AGAP1: variants seen among roughly 807,000 people sequenced by gnomAD.
AGAP1 encodes the protein arf-GAP with GTPase, ANK repeat and PH domain-containing protein 1.
In AGAP1, 29 loss-of-function variants were observed where a neutral mutation model predicts 105.3. That is an observed-to-expected ratio of 0.28 (90% CI 0.21 to 0.38). The LOEUF is 0.38. Among genes scored for constraint, AGAP1 ranks in the 10% least tolerant of loss-of-function variants. AGAP1 has a pLI of 1.00. For missense variants in AGAP1, 998 were observed against 1,165.1 expected (o/e 0.86, Z 2.09); for synonymous variants, 509 against 485.9 (o/e 1.05, Z -0.63).
At position 235,494,669 on chromosome 2, in the gene AGAP1, G is replaced by A. The variant is rs1298707918; in HGVS notation, c.-18G>A. The stretch of plus-strand genomic sequence containing the variant: ...GCGGCGGCGGGGGGCGCGCGGCTCC[G>A]GGCGCGGCGCCTGCACCATGAACTA... On this transcript the variant is annotated 5_prime_UTR_variant, in exon 1 of 18. Transcript: ENST00000304032. 8.0e-6 allele frequency: 10 copies of A among 1,243,874 alleles called. No homozygotes were observed. Among genetic ancestry groups the A allele is most frequent in the African/African-American group, 4.8e-5 (3 of 62,944 alleles). The allele number at this position is 1,243,874 out of a possible 1,614,324, so 77.1% of individuals were successfully genotyped here.
intron 9 of AGAP1, among the ~76,000 whole-genome samples, chr2:235,807,641 C>T (rs1418556769): frequency 6.6e-6 from 1 of 152,190 alleles, no homozygotes; most frequent in Non-Finnish European, 1.5e-5. Context: ...CGCGGGCCGC[C>T]GGGCAACAGG....
At chr2:235,540,444 TA>T (rs2078320583) in intron 1 of AGAP1, among the ~76,000 whole-genome samples, 1 of 152,322 alleles carries the variant, frequency 6.6e-6, no homozygotes, top group Admixed American at 6.5e-5. Context: ...TGAGCCATCG[TA>T]CCCAACCTCA....
intron 3 of AGAP1, among the ~76,000 whole-genome samples, chr2:235,735,979 G>A (rs922548581): frequency 6.6e-6 from 1 of 152,026 alleles, no homozygotes; most frequent in Non-Finnish European, 1.5e-5. Context: ...AAGGGATGCG[G>A]GTTCCGTTCT....
Position 235,867,711 on chromosome 2 carries a change from C to CT in AGAP1, c.1051-15633dup, listed in dbSNP as rs1414476652. 6.6e-6 allele frequency among the ~76,000 whole-genome samples: 1 copy of CT among 152,122 alleles called. No homozygotes were observed. Among genetic ancestry groups the CT allele is most frequent in the African/African-American group, 2.4e-5 (1 of 41,422 alleles). On this transcript the variant is annotated intron_variant, in intron 9 of 17. Coordinates refer to ENST00000304032, the MANE Select transcript of AGAP1 (RefSeq NM_001037131.3). This position sits in a 1 kb window ranked among gnomAD's most constrained non-coding sequence, Gnocchi z 5.4. Reference sequence around the variant, plus strand: ...TAATGAGAGGGCAAAAGCAAGATGACTAAGTGTTCGTTACGGAAAAGTGGG... The same window carrying CT: ...TAATGAGAGGGCAAAAGCAAGATGACTTAAGTGTTCGTTACGGAAAAGTGGG...
At position 235,553,338 on chromosome 2, in the gene AGAP1, T is replaced by C. The variant is rs1274435960; in HGVS notation, c.163+58489T>C. Reference sequence around the variant, plus strand: ...GTGGGGGTCAGAGGAAGTTGGGTTTTTTTTTGTCTTGGTCAGGTCACGATG... The same window carrying C: ...GTGGGGGTCAGAGGAAGTTGGGTTTCTTTTTGTCTTGGTCAGGTCACGATG... On this transcript the variant is annotated intron_variant, in intron 1 of 17. Transcript: ENST00000304032. This position sits in a 1 kb window ranked among gnomAD's most constrained non-coding sequence, Gnocchi z 4.5. Among the ~76,000 whole-genome samples the C allele has an allele frequency of 1.3e-5, 2 of 152,100 alleles. No individual in the cohort carries two copies. Among genetic ancestry groups the C allele is most frequent in the Non-Finnish European group, 2.9e-5 (2 of 68,032 alleles).
At chr2:235,579,837 C>T (rs565132618) in intron 1 of AGAP1, among the ~76,000 whole-genome samples, 5 of 152,270 alleles carry the variant, frequency 3.3e-5, no homozygotes, top group South Asian at 2.1e-4. Flanking sequence ...ACCACCCACC[C>T]GTCTAGTTCC....
At chr2:235,796,463 C>T (rs1465383271) in intron 6 of AGAP1, among the ~76,000 whole-genome samples, 1 of 151,980 alleles carries the variant, frequency 6.6e-6, no homozygotes, top group African/African-American at 2.4e-5. Context: ...AATACACTAC[C>T]GGAAGATAAA....
At chr2:235,693,835 A>G (rs1467554214) in intron 1 of AGAP1, among the ~76,000 whole-genome samples, 1 of 152,248 alleles carries the variant, frequency 6.6e-6, no homozygotes, top group African/African-American at 2.4e-5. Context: ...TTCCTCTGGC[A>G]TAAGTGTGGG....
At chr2:236,023,695 C>T (rs2056957437) in intron 13 of AGAP1, among the ~76,000 whole-genome samples, 1 of 152,166 alleles carries the variant, frequency 6.6e-6, no homozygotes, top group African/African-American at 2.4e-5. Context: ...ACTCTTTGTA[C>T]AGCAAACATG....
intron 16 of AGAP1, among the ~76,000 whole-genome samples, chr2:236,071,254 ATTTTAT>A (rs1160911897): frequency 6.6e-6 from 1 of 152,200 alleles, no homozygotes; most frequent in Non-Finnish European, 1.5e-5. Flanking sequence ...TGTCCAACAG[ATTTTAT>A]TTGAGACCAT....
intron 1 of AGAP1, among the ~76,000 whole-genome samples, chr2:235,512,632 C>T (rs13430054): frequency 0.18 from 26,632 of 152,132 alleles, 2,567 homozygotes; most frequent in East Asian, 0.32. Context: ...AATCCATGCG[C>T]GTCCTCCCCC....
rs1477828538 is a variant in AGAP1 at position 235,733,242 on chromosome 2, G to A, written c.311-7721G>A. Among the ~76,000 whole-genome samples, 3 of 152,158 alleles carry A rather than the reference G, an allele frequency of 2.0e-5. No individual in the cohort carries two copies. Among genetic ancestry groups the A allele is most frequent in the East Asian group, 1.9e-4 (1 of 5,170 alleles). ...CAACACGGGCATCTTCTTTGCCTCCGGAGAGCCTTTGCCGGCCATTCACTT... is the reference window on the plus strand; with the variant it reads ...CAACACGGGCATCTTCTTTGCCTCCAGAGAGCCTTTGCCGGCCATTCACTT... On this transcript the variant is annotated intron_variant, in intron 3 of 17. Coordinates refer to ENST00000304032, the MANE Select transcript of AGAP1 (RefSeq NM_001037131.3). The surrounding 1 kb of genome is among the most constrained non-coding windows in gnomAD (Gnocchi z 5.0).
chr2:235,813,666 G>A (rs528911016), intron 9 of AGAP1, among the ~76,000 whole-genome samples: 54 of 152,360 alleles, frequency 3.5e-4, no homozygotes, highest in Middle Eastern at 3.4e-3. Context: ...CCCAGTGGGC[G>A]TGTGTTACAG....
Position 235,655,238 on chromosome 2 carries a change from C to T in AGAP1, c.164-53941C>T, listed in dbSNP as rs981738617. On this transcript the variant is annotated intron_variant, in intron 1 of 17. Transcript: ENST00000304032. This position sits in a 1 kb window ranked among gnomAD's most constrained non-coding sequence, Gnocchi z 4.3. ...TGGAAGGTAGACAGGTCGTTGTCTC[C>T]ATTTTTGTTCTTTAAAGCACTTTAT... Among the ~76,000 whole-genome samples the T allele has an allele frequency of 2.0e-5, 3 of 152,118 alleles. No homozygotes were observed. Among genetic ancestry groups the T allele is most frequent in the African/African-American group, 7.2e-5 (3 of 41,426 alleles).
chr2:235,652,552 C>G (rs1441796508), intron 1 of AGAP1, among the ~76,000 whole-genome samples: 10 of 152,146 alleles, frequency 6.6e-5, no homozygotes, highest in Admixed American at 2.6e-4. Context: ...AGAGCCATCA[C>G]TGAACATCAG....
intron 3 of AGAP1, 37 bp downstream of exon 3, chr2:235,717,681 G>T (rs373679073): frequency 6.4e-6 from 10 of 1,557,650 alleles, no homozygotes; most frequent in Non-Finnish European, 8.7e-6. Context: ...ACTTAAGAAT[G>T]TAGTTTTTTA....
In AGAP1 at chr2:236,081,735, A is replaced by G. The variant is rs530507660; in HGVS notation, c.2114+32454A>G. On this transcript the variant is annotated intron_variant, in intron 16 of 17. Transcript: ENST00000304032. Reference sequence around the variant, plus strand: ...CTTTTTTTCTTTTAAGTAGAATCCTATTGCTAATGAAACCATATTTTGAAC... The same window carrying G: ...CTTTTTTTCTTTTAAGTAGAATCCTGTTGCTAATGAAACCATATTTTGAAC... Among the ~76,000 whole-genome samples, 26 of 145,862 alleles carry G rather than the reference A, an allele frequency of 1.8e-4. No homozygotes were observed. The South Asian group carries it at 5.6e-3, about 32-fold the overall frequency.
chr2:235,521,986 C>T (rs10176823), intron 1 of AGAP1, among the ~76,000 whole-genome samples: 134,986 of 152,178 alleles, frequency 0.89, 60,194 homozygotes, highest in East Asian at 0.99. Flanking sequence ...CAACAGGGTG[C>T]TGTCAAACTA....
chr2:235,507,283 G>C (rs1178513215), intron 1 of AGAP1: 1 of 152,508 alleles, frequency 6.6e-6, no homozygotes, highest in Non-Finnish European at 1.5e-5. Context: ...TCCGTGTTTA[G>C]GATGAGAAGA....
Sources: allele counts gnomAD v4.1 joint callset (sites outside exome capture counted in the v4.1 genomes callset), GRCh38; gene constraint gnomAD v4.1.1; non-coding constraint Gnocchi (gnomAD v3.1); transcripts MANE v1.5; gene names NCBI Gene and HGNC (gene_info 2026-07-23, HGNC 2026-07-21).